Variants in CARMIL1 observed in about 807,000 individuals in gnomAD.
The protein encoded by CARMIL1 is F-actin-uncapping protein LRRC16A.
In CARMIL1, 90 loss-of-function variants were observed where a neutral mutation model predicts 177.1. The observed-to-expected ratio is 0.51, with a 90% confidence interval of 0.43 to 0.61. The LOEUF (loss-of-function observed/expected upper bound fraction) is 0.61. Among genes scored for constraint, CARMIL1 ranks in the 20% least tolerant of loss-of-function variants. The pLI is 0.00. For missense variants in CARMIL1, 1,380 were observed against 1,667.0 expected, an observed-to-expected ratio of 0.83 and a Z score of 3.00; for synonymous variants, 577 against 606.2, an observed-to-expected ratio of 0.95 and a Z score of 0.71.
At chr6:25,535,248 C>T (rs1455619941) in intron 24 of CARMIL1, among the ~76,000 whole-genome samples, 1 of 152,028 alleles carries the variant, frequency 6.6e-6, no homozygotes, top group Non-Finnish European at 1.5e-5. Flanking sequence ...CAGAAGTGAC[C>T]TACAGGAAAG....
intron 5 of CARMIL1, among the ~76,000 whole-genome samples, chr6:25,442,135 T>C (rs954678543): frequency 7.2e-5 from 11 of 151,816 alleles, no homozygotes; most frequent in South Asian, 2.1e-4. Flanking sequence ...AGGCTGAGCA[T>C]TGGAATTGAA....
chr6:25,282,780 C>T (rs1781239617), intron 1 of CARMIL1, among the ~76,000 whole-genome samples: 1 of 152,160 alleles, frequency 6.6e-6, no homozygotes, highest in Non-Finnish European at 1.5e-5. Context: ...GGGATCCTCT[C>T]CTCCCTGAAA....
At chr6:25,284,249 A>G (rs1353216689) in intron 1 of CARMIL1, among the ~76,000 whole-genome samples, 1 of 151,596 alleles carries the variant, frequency 6.6e-6, no homozygotes, top group Non-Finnish European at 1.5e-5. Flanking sequence ...TTTTTCTTTT[A>G]TATGTATCTT....
chr6:25,403,454 C>T (rs977408329), intron 2 of CARMIL1, among the ~76,000 whole-genome samples: 3 of 152,168 alleles, frequency 2.0e-5, no homozygotes, highest in African/African-American at 7.2e-5. Flanking sequence ...AATTATCAGT[C>T]AGAACAGTGT....
intron 8 of CARMIL1, chr6:25,451,987 C>CCCT: frequency 1.6e-5 from 1 of 62,880 alleles, no homozygotes; most frequent in South Asian, 1.5e-4. Context: ...TAGCATCTTG[C>CCCT]CCCCCCCTCC....
At chr6:25,320,891 A>T (rs1310634461) in intron 2 of CARMIL1, among the ~76,000 whole-genome samples, 2 of 152,256 alleles carry the variant, frequency 1.3e-5, no homozygotes, top group African/African-American at 4.8e-5. Flanking sequence ...ATGATAGCTA[A>T]TGATCTTAAA....
intron 29 of CARMIL1, among the ~76,000 whole-genome samples, chr6:25,568,378 A>C (rs1471830715): frequency 6.6e-6 from 1 of 152,216 alleles, no homozygotes; most frequent in Non-Finnish European, 1.5e-5. Context: ...CAGCAAACTT[A>C]AGGATCAGCG....
chr6:25,390,312 ATATATATATTTTTTT>A (rs1275493697), intron 2 of CARMIL1, among the ~76,000 whole-genome samples: 2 of 38,868 alleles, frequency 5.1e-5, no homozygotes, highest in African/African-American at 9.4e-5. Flanking sequence ...ATATATATAT[ATATATATATTTTTTT>A]TTTTTTTTTT....
intron 2 of CARMIL1, among the ~76,000 whole-genome samples, chr6:25,293,729 C>G (rs1219257754): frequency 6.6e-6 from 1 of 151,976 alleles, no homozygotes; most frequent in Non-Finnish European, 1.5e-5. Flanking sequence ...TTCCCTTCCC[C>G]CTTCCTCTTC....
At chr6:25,557,196 A>G (rs1810702452) in intron 29 of CARMIL1, among the ~76,000 whole-genome samples, 2 of 152,196 alleles carry the variant, frequency 1.3e-5, no homozygotes, top group Non-Finnish European at 2.9e-5. Context: ...AAAAATATAT[A>G]TAGGGTGACT....
chr6:25,390,320 ATTTT>A (rs1287414586), intron 2 of CARMIL1, among the ~76,000 whole-genome samples: 45 of 58,090 alleles, frequency 7.7e-4, no homozygotes, highest in Admixed American at 9.3e-4. Flanking sequence ...ATATATATAT[ATTTT>A]TTTTTTTTTT....
chr6:25,495,202 C>T lies in CARMIL1; in HGVS notation c.1312C>T (p.Pro438Ser). ...HINLSGTKLS[P>S]EPLKALLLGL... ...CAACCTTTCAGGCACAAAACTGTCT[C>T]CTGAGCCCTTAAAGTGAGTGGTTAA... The change falls in exon 16 of 37, where the codon CCT (proline) becomes TCT (serine). Residue 438 changes from proline to serine, a missense_variant. Physicochemically the swap from Pro to Ser is moderately conservative, Grantham distance 74. Coordinates refer to ENST00000329474, the MANE Select transcript of CARMIL1 (RefSeq NM_017640.6). 6.2e-7 allele frequency: 1 copy of T among 1,609,624 alleles called. No individual in the cohort carries two copies. Among genetic ancestry groups the T allele is most frequent in the East Asian group, 2.2e-5 (1 of 44,678 alleles).
intron 2 of CARMIL1, among the ~76,000 whole-genome samples, chr6:25,337,863 T>C (rs1329280403): frequency 6.6e-6 from 1 of 152,234 alleles, no homozygotes; most frequent in Admixed American, 6.5e-5. Flanking sequence ...GTTAAAGATA[T>C]GAAAAACATT....
At chr6:25,412,455 C>G (rs111481643) in intron 2 of CARMIL1, among the ~76,000 whole-genome samples, 11,434 of 152,206 alleles carry the variant, frequency 0.075, 523 homozygotes, top group African/African-American at 0.12. Flanking sequence ...GTGGCACATG[C>G]TTGTAATCCC....
chr6:25,315,273 T>TG (rs1784180720), intron 2 of CARMIL1, among the ~76,000 whole-genome samples: 1 of 152,220 alleles, frequency 6.6e-6, no homozygotes, highest in Admixed American at 6.5e-5. Flanking sequence ...AACCCTGTGG[T>TG]GTGGAGAGGT....
intron 2 of CARMIL1, among the ~76,000 whole-genome samples, chr6:25,327,642 C>T (rs540034966): frequency 1.2e-4 from 18 of 152,166 alleles, no homozygotes; most frequent in Admixed American, 5.2e-4. Flanking sequence ...CTTCAACAGC[C>T]GGTCATATTT....
intron 2 of CARMIL1, among the ~76,000 whole-genome samples, chr6:25,406,906 A>G (rs999730301): frequency 1.3e-5 from 2 of 152,154 alleles, no homozygotes; most frequent in African/African-American, 4.8e-5. Context: ...GACTGAAGTC[A>G]TGAGAGAGAA....
At chr6:25,414,515 T>C (rs1435538539) in intron 2 of CARMIL1, among the ~76,000 whole-genome samples, 1 of 152,136 alleles carries the variant, frequency 6.6e-6, no homozygotes, top group East Asian at 1.9e-4. Flanking sequence ...CTATAAATCC[T>C]CTGAAGCTTT....
rs1048109493 is a variant in CARMIL1 at position 25,601,092 on chromosome 6, G to A, written c.3552+346G>A. Among the ~76,000 whole-genome samples the A allele has an allele frequency of 3.9e-5, 6 of 152,202 alleles. No homozygotes were observed. In the South Asian group the frequency reaches 1.2e-3, roughly 32 times the overall value. ...CTCCTTGTCTTCGTGAGATAAGTGG[G>A]GGTTCATTTTTGACTTGGTTGTCCT... On this transcript the variant is annotated intron_variant, in intron 33 of 36. Coordinates refer to ENST00000329474, the MANE Select transcript of CARMIL1 (RefSeq NM_017640.6).
Sources: gnomAD v4.1 joint callset for allele counts (sites outside exome capture counted in the v4.1 genomes callset) on GRCh38, gnomAD v4.1.1 for gene constraint, MANE v1.5 for transcripts, NCBI Gene and HGNC (gene_info 2026-07-23, HGNC 2026-07-21) for gene names.